The following LENG8 variants were observed in gnomAD, a reference collection of about 807,000 sequenced individuals.
The protein encoded by LENG8 is leukocyte receptor cluster member 8, also known as leukocyte receptor cluster (LRC) member 8.
In LENG8, 28 loss-of-function variants were observed where a neutral mutation model predicts 102.1. The ratio of observed to expected loss-of-function variants is 0.27; its 90% confidence interval spans 0.20 to 0.38. The LOEUF (loss-of-function observed/expected upper bound fraction) is 0.38, where lower values mean the gene tolerates loss of function less well. Ranked by LOEUF, LENG8 falls within the 10% of genes least tolerant of loss-of-function variation. LENG8 has a pLI of 1.00. For synonymous variants in LENG8, 531 were observed against 456.7 expected (o/e 1.16, Z -2.07); for missense variants, 1,022 against 1,113.9 (o/e 0.92, Z 1.17).
chr19:54,460,184 G>C (rs1254490961), intron 15 of LENG8: 1 of 1,289,908 alleles, frequency 7.8e-7, no homozygotes, highest in Non-Finnish European at 1.0e-6. Context: ...CGGTGCCTGG[G>C]TTCCTGTGTG....
chr19:54,459,018 C>T (rs1041147981), intron 15 of LENG8: 72 of 1,436,012 alleles, frequency 5.0e-5, no homozygotes, highest in Admixed American at 2.5e-4. Context: ...ACACTGGGCG[C>T]GGTGCCAGAG....
chr19:54,456,696 C>T lies in LENG8; in HGVS notation c.1506C>T (p.Asp502=), dbSNP rs762874633. The T allele has an allele frequency of 6.2e-7, 1 of 1,613,370 alleles. No individual in the cohort carries two copies. The highest frequency in any genetic ancestry group is 8.5e-7 in the Non-Finnish European group (1 of 1,179,790). The part of the protein sequence containing the change: ...RKKMAALECE[D]PERELKKQKR... ...AGATGGCGGCGCTGGAGTGTGAGGA[C>T]CCGGAGCGAGAGCTGAAGAAGCAGA... is the stretch of plus-strand genomic sequence containing the variant. The change falls in exon 11 of 16, where the codon GAC becomes GAT. Residue 502 remains aspartate, a synonymous_variant. Coordinates refer to ENST00000326764, the MANE Select transcript of LENG8 (RefSeq NM_052925.4).
rs1405582542 is a variant in LENG8, at chr19:54,460,973, G to T, written c.*45G>T. The stretch of plus-strand genomic sequence containing the variant: ...GGGGGCAGGGGCTGCAGCCCCCAGC[G>T]CTGCCTTTGCGGATTCTGTTTTTGA... On this transcript the variant is annotated 3_prime_UTR_variant, in exon 16 of 16. Transcript: ENST00000326764. 9.8e-6 allele frequency: 15 copies of T among 1,536,112 alleles called. 1 individual carries two copies. In the South Asian group the frequency reaches 1.5e-4, roughly 16 times the overall value.
rs751598350 is a variant in LENG8 at position 54,458,239 on chromosome 19, C to G, written c.2032+7C>G. The G allele has an allele frequency of 2.5e-6, 4 of 1,614,116 alleles. No homozygotes were observed. The highest frequency in any genetic ancestry group is 3.4e-6 in the Non-Finnish European group (4 of 1,179,974). ...TTCACCAAGAACTCGGGAGGTGAGG[C>G]CCAGTCCCCAGGACAGAGGCCATGG... On this transcript the variant is annotated splice_region_variant and intron_variant, in intron 14 of 15. Coordinates refer to ENST00000326764, the MANE Select transcript of LENG8 (RefSeq NM_052925.4).
intron 6 of LENG8, 104 bp downstream of exon 6, chr19:54,454,786 G>T: frequency 6.9e-7 from 1 of 1,446,884 alleles, no homozygotes; most frequent in South Asian, 1.3e-5. Context: ...TGGGTGTTGT[G>T]ATCGCCAGGC....
In LENG8 at chr19:54,461,644, C is replaced by T. The variant is rs1222977633; in HGVS notation, c.*716C>T. Reference sequence around the variant, plus strand: ...TGATTTTTTTTTCCCCTTTCCCTCCCTCCCTCTCCGCATTCTTCCCTTGGT... The same window carrying T: ...TGATTTTTTTTTCCCCTTTCCCTCCTTCCCTCTCCGCATTCTTCCCTTGGT... On this transcript the variant is annotated 3_prime_UTR_variant, in exon 16 of 16. Coordinates refer to ENST00000326764, the MANE Select transcript of LENG8 (RefSeq NM_052925.4). The T allele has an allele frequency of 8.4e-6, 4 of 476,382 alleles. No homozygotes were observed. The highest frequency in any genetic ancestry group is 1.7e-5 in the Non-Finnish European group (4 of 230,888). 29.5% of individuals were successfully genotyped at this position (476,382 alleles called of 1,614,324 possible).
At chr19:54,456,514 C>A in intron 10 of LENG8, 49 bp downstream of exon 10, 1 of 1,559,596 alleles carries the variant, frequency 6.4e-7, no homozygotes. Context: ...GAGGAGGGTA[C>A]TGGGGACCCA....
At chr19:54,450,493 C>T (rs1341663059) in intron 1 of LENG8, among the ~76,000 whole-genome samples, 4 of 152,108 alleles carry the variant, frequency 2.6e-5, no homozygotes, top group Admixed American at 2.6e-4. Flanking sequence ...CCCTGAAAGG[C>T]CTCCCTTTTC....
At position 54,452,249 on chromosome 19, in the gene LENG8, G is replaced by A. The variant is rs748990141; in HGVS notation, c.195G>A (p.Gly65=). The A allele has an allele frequency of 1.9e-6, 3 of 1,612,864 alleles. No homozygotes were observed. The highest frequency in any genetic ancestry group is 4.5e-5 in the East Asian group (2 of 44,866). The change falls in exon 3 of 16, where the codon GGG becomes GGA. Residue 65 remains glycine (G), a synonymous_variant. Coordinates refer to ENST00000326764, the MANE Select transcript of LENG8 (RefSeq NM_052925.4). ...GCTCTGCCAAGTCCAGCAGCAATGG[G>A]CCTGTGGCCAGTGCACAGGTGAGAA... The part of the protein sequence containing the change: ...AGGSAKSSSN[G]PVASAQYVSQ...
At chr19:54,450,618 CT>C (rs750997555) in intron 1 of LENG8, among the ~76,000 whole-genome samples, 30,612 of 108,432 alleles carry the variant, frequency 0.28, 2,503 homozygotes, top group East Asian at 0.45. Flanking sequence ...TACTCCCTAG[CT>C]TTTTTTTTTT....
chr19:54,460,391 G>C, intron 15 of LENG8: 1 of 1,217,132 alleles, frequency 8.2e-7, no homozygotes, highest in South Asian at 1.6e-5. Context: ...GGGAGGCAGC[G>C]AGGGCTGGGT....
At position 54,454,989 on chromosome 19, in the gene LENG8, A is replaced by G. The variant is rs1350368655; in HGVS notation, c.718A>G (p.Lys240Glu). The change falls in exon 7 of 16, where the codon AAG becomes GAG. Residue 240 changes from lysine to glutamate, a missense_variant. Physicochemically the swap from Lys to Glu is moderately conservative, Grantham distance 56. Transcript: ENST00000326764. ...TGGAGGTCTCAAGTTCAACATCCAG[A>G]AGCGACCCTTTGCTGTTACCACCCA... ...GTGGLKFNIQ[K>E]RPFAVTTQSF... 6.2e-7 allele frequency: 1 copy of G among 1,614,058 alleles called. No homozygotes were observed. The highest frequency in any genetic ancestry group is 1.3e-5 in the African/African-American group (1 of 74,914).
intron 15 of LENG8, chr19:54,459,019 G>A (rs960041659): frequency 2.1e-5 from 30 of 1,435,718 alleles, no homozygotes; most frequent in Admixed American, 2.8e-5. Flanking sequence ...CACTGGGCGC[G>A]GTGCCAGAGG....
chr19:54,455,241 C>T, intron 7 of LENG8, 123 bp from the exon 8 acceptor site: 3 of 1,480,808 alleles, frequency 2.0e-6, no homozygotes, highest in Non-Finnish European at 2.8e-6. Context: ...GCTGTGAGCA[C>T]TGAAGGAGAC....
rs563610951 is a variant in LENG8, at chr19:54,461,414, C to T, written c.*486C>T. ...CTTCGCCACAGACTCTTGTTCCCAG[C>T]CCCTTGGGGCCTCCGTGTTTGGGGT... On this transcript the variant is annotated 3_prime_UTR_variant, in exon 16 of 16. Transcript: ENST00000326764. 2 of 458,212 alleles carry T rather than the reference C, an allele frequency of 4.4e-6. No individual in the cohort carries two copies. Among genetic ancestry groups the T allele is most frequent in the African/African-American group, 4.0e-5 (2 of 50,120 alleles). The allele number at this position is 458,212 out of a possible 1,614,324, so 28.4% of individuals were successfully genotyped here. A position where few individuals can be genotyped will look rare whatever the true frequency, so the allele number is the denominator to read the frequency against.
intron 4 of LENG8, 23 bp from the exon 5 acceptor site, chr19:54,453,523 C>T: frequency 1.3e-6 from 2 of 1,556,220 alleles, no homozygotes; most frequent in East Asian, 2.2e-5. Context: ...CCCACTAAAC[C>T]CTCCCTCCCT....
chr19:54,458,291 C>T (rs1215584146), intron 14 of LENG8, 23 bp from the exon 15 acceptor site: 3 of 1,613,162 alleles, frequency 1.9e-6, no homozygotes, highest in African/African-American at 2.7e-5. Flanking sequence ...CTGCTGACTT[C>T]ACCCTCTTTG....
chr19:54,459,921 G>A (rs763831728), intron 15 of LENG8: 1 of 1,198,434 alleles, frequency 8.3e-7, no homozygotes, highest in Non-Finnish European at 1.1e-6. Flanking sequence ...GCTACACAGG[G>A]GTGTGTGGTT....
chr19:54,452,941 C>T (rs1157557322), intron 4 of LENG8, among the ~76,000 whole-genome samples, 189 bp downstream of exon 4: 2 of 152,172 alleles, frequency 1.3e-5, no homozygotes, highest in African/African-American at 4.8e-5. Context: ...CCACAAGGTC[C>T]TACATACCCG....
Sources: gnomAD v4.1 joint callset for allele counts (sites outside exome capture counted in the v4.1 genomes callset) on GRCh38, gnomAD v4.1.1 for gene constraint, MANE v1.5 for transcripts, NCBI Gene and HGNC (gene_info 2026-07-23, HGNC 2026-07-21) for gene names.